Variants in DGKB observed in about 807,000 individuals in gnomAD.
The protein encoded by DGKB is diacylglycerol kinase beta.
DGKB carries 67 observed loss-of-function variants against 114.3 expected under a neutral mutation model. The observed-to-expected ratio is 0.59, with a 90% confidence interval of 0.48 to 0.72. DGKB has a LOEUF of 0.72. DGKB is among the 30% of genes least tolerant of loss of function. The pLI, the probability that DGKB is intolerant of heterozygous loss-of-function variation, is 0.00. For synonymous variants in DGKB, 398 were observed against 323.1 expected (o/e 1.23, Z -2.49); for missense variants, 907 against 975.2 (o/e 0.93, Z 0.93).
chr7:14,304,015 G>C lies in DGKB; in HGVS notation c.2122+34500C>G, dbSNP rs1804004461. ...TTTATTTAATTTTTTAATGTTACCT[G>C]TCTGCTATTATACACCATTTGTTCT... On this transcript the variant is annotated intron_variant, in intron 23 of 25. Transcript: ENST00000402815. Among the ~76,000 whole-genome samples the C allele has an allele frequency of 1.4e-5, 2 of 144,664 alleles. 1 individual carries two copies. Among genetic ancestry groups the C allele is most frequent in the Admixed American group, 1.4e-4 (2 of 14,160 alleles). 94.9% of individuals were successfully genotyped at this position (144,664 alleles called of 152,430 possible).
chr7:14,894,967 A>G (rs1781877624), intron 1 of DGKB, among the ~76,000 whole-genome samples: 1 of 151,590 alleles, frequency 6.6e-6, no homozygotes, highest in South Asian at 2.1e-4. Context: ...ACAATAGAGC[A>G]CCCCTCCTAG....
intron 21 of DGKB, among the ~76,000 whole-genome samples, chr7:14,356,771 T>C (rs1424329322): frequency 3.3e-5 from 5 of 152,202 alleles, no homozygotes; most frequent in African/African-American, 9.6e-5. Context: ...CTGCTTTAAA[T>C]GTGTCCCAGA....
intron 1 of DGKB, among the ~76,000 whole-genome samples, chr7:14,886,603 A>C (rs182759896): frequency 6.6e-6 from 1 of 151,926 alleles, no homozygotes; most frequent in East Asian, 1.9e-4. Flanking sequence ...TGTCAATTTC[A>C]CTTCATAAAT....
At chr7:14,734,014 C>A (rs976322316) in intron 5 of DGKB, among the ~76,000 whole-genome samples, 2 of 135,706 alleles carry the variant, frequency 1.5e-5, no homozygotes, top group African/African-American at 3.1e-5. Flanking sequence ...TATCTCTATA[C>A]CAACACGTGT....
chr7:14,270,594 G>A (rs770858317), intron 23 of DGKB, among the ~76,000 whole-genome samples: 3 of 152,170 alleles, frequency 2.0e-5, no homozygotes, highest in Non-Finnish European at 4.4e-5. Flanking sequence ...TGTCCATGTG[G>A]TGCAATGATA....
rs977443140 is a variant in DGKB at position 14,914,750 on chromosome 7, C to T, written c.-188+59946G>A. On this transcript the variant is annotated intron_variant, in intron 1 of 4. Transcript: ENST00000437998. ...AGGATTAATATGTTAAAGGATCTAACGGAAAAAGTAGACAACATTCAAGAA... is the reference window on the plus strand; with the variant it reads ...AGGATTAATATGTTAAAGGATCTAATGGAAAAAGTAGACAACATTCAAGAA... Among the ~76,000 whole-genome samples the T allele has an allele frequency of 5.3e-5, 8 of 151,530 alleles. No individual in the cohort carries two copies. The East Asian group carries it at 5.8e-4, about 11-fold the overall frequency.
chr7:14,391,503 C>T (rs538375984), intron 21 of DGKB, among the ~76,000 whole-genome samples: 1 of 141,788 alleles, frequency 7.1e-6, no homozygotes, highest in East Asian at 2.0e-4. Context: ...CATGGCCGGT[C>T]TACAAAAGAA....
At chr7:14,254,621 A>G (rs1291248968) in intron 23 of DGKB, among the ~76,000 whole-genome samples, 2 of 152,206 alleles carry the variant, frequency 1.3e-5, no homozygotes, top group African/African-American at 4.8e-5. Context: ...ACTTCTCTAT[A>G]TATTTTATCA....
chr7:14,693,993 C>G, intron 9 of DGKB, 82 bp downstream of exon 9: 1 of 1,471,404 alleles, frequency 6.8e-7, no homozygotes, highest in Non-Finnish European at 9.1e-7. Context: ...AGAAAATGGT[C>G]ACATCAATCT....
intron 5 of DGKB, chr7:14,718,988 C>A (rs939735929): frequency 1.9e-5 from 4 of 206,646 alleles, no homozygotes; most frequent in Non-Finnish European, 3.8e-5. Flanking sequence ...AGACCCACTT[C>A]CCTATTCCAC....
intron 20 of DGKB, among the ~76,000 whole-genome samples, chr7:14,543,306 T>C (rs962497116): frequency 1.3e-5 from 2 of 151,888 alleles, no homozygotes; most frequent in African/African-American, 4.8e-5. Context: ...TAGCCAGGCA[T>C]GGTGGCATGC....
rs925857239 is a variant in DGKB at position 14,553,293 on chromosome 7, T to C, written c.1770+20919A>G. 3.9e-5 allele frequency among the ~76,000 whole-genome samples: 6 copies of C among 152,356 alleles called. 1 individual carries two copies. The highest frequency in any genetic ancestry group is 1.3e-4 in the Admixed American group (2 of 15,304). On this transcript the variant is annotated intron_variant, in intron 20 of 25. Coordinates refer to ENST00000402815, the MANE Select transcript of DGKB (RefSeq NM_001350709.2). ...CTGAGGGCTGTTTGAAATTCACTTG[T>C]TTATTGTGTCCCATTCCTAAGAAAA...
At chr7:14,716,767 G>C (rs1271106369) in intron 6 of DGKB, among the ~76,000 whole-genome samples, 1 of 152,020 alleles carries the variant, frequency 6.6e-6, no homozygotes, top group Non-Finnish European at 1.5e-5. Flanking sequence ...GAAAAAGAAA[G>C]AAAACCAAAC....
rs1781646734 is a variant in DGKB, at chr7:14,147,866, G to C, written c.*1265C>G. 6.6e-6 allele frequency: 1 copy of C among 152,318 alleles called. No individual in the cohort carries two copies. Among genetic ancestry groups the C allele is most frequent in the African/African-American group, 2.4e-5 (1 of 41,392 alleles). The allele number at this position is 152,318 out of a possible 1,614,324, so 9.4% of individuals were successfully genotyped here. On this transcript the variant is annotated 3_prime_UTR_variant, in exon 26 of 26. Coordinates refer to ENST00000402815, the MANE Select transcript of DGKB (RefSeq NM_001350709.2). ...CAGTCAGAGACTCCAACTATGCCAT[G>C]AACACCTTCAACAGTGATCTAGGCT...
In DGKB at chr7:14,311,571, T is replaced by A. The variant is rs534614246; in HGVS notation, c.2122+26944A>T. ...CTGAATAGCTGGGATGACCGGTGCA[T>A]GCCACCATGCCTGGCGAACTTCTTT... On this transcript the variant is annotated intron_variant, in intron 23 of 25. Coordinates refer to ENST00000402815, the MANE Select transcript of DGKB (RefSeq NM_001350709.2). Among the ~76,000 whole-genome samples, 36 of 152,228 alleles carry A rather than the reference T, an allele frequency of 2.4e-4. No individual in the cohort carries two copies. In the East Asian group the frequency reaches 5.6e-3, roughly 24 times the overall value.
chr7:14,215,503 T>C (rs749255654), intron 23 of DGKB, among the ~76,000 whole-genome samples: 2 of 152,078 alleles, frequency 1.3e-5, no homozygotes, highest in Non-Finnish European at 2.9e-5. Flanking sequence ...ATAATAAAGA[T>C]GGTAATAATA....
At chr7:14,475,213 A>G (rs1781990338) in intron 21 of DGKB, among the ~76,000 whole-genome samples, 1 of 152,156 alleles carries the variant, frequency 6.6e-6, no homozygotes, top group Admixed American at 6.6e-5. Context: ...GATCTGAAAT[A>G]CCATTATTAG....
chr7:14,726,462 T>C lies in DGKB; in HGVS notation c.323-7777A>G, dbSNP rs1228955442. On this transcript the variant is annotated intron_variant, in intron 5 of 25. Coordinates refer to ENST00000402815, the MANE Select transcript of DGKB (RefSeq NM_001350709.2). ...TCGGAGTTTTATACTCTAAGCATGA[T>C]TCTGTGAGGCTGGACAGAGAAAAAT... 3.3e-5 allele frequency among the ~76,000 whole-genome samples: 5 copies of C among 152,136 alleles called. No individual in the cohort carries two copies. In the East Asian group the frequency reaches 9.6e-4, roughly 29 times the overall value.
chr7:14,765,294 A>T (rs1562478327), intron 2 of DGKB, among the ~76,000 whole-genome samples: 1 of 151,968 alleles, frequency 6.6e-6, no homozygotes, highest in African/African-American at 2.4e-5. Context: ...TGTTCCTGCT[A>T]AGCATTTGGG....
Sources: gnomAD v4.1 joint callset for allele counts (sites outside exome capture counted in the v4.1 genomes callset) on GRCh38, gnomAD v4.1.1 for gene constraint, MANE v1.5 for transcripts, NCBI Gene and HGNC (gene_info 2026-07-23, HGNC 2026-07-21) for gene names.